The following SOX6 variants were observed in gnomAD, a reference collection of about 807,000 sequenced individuals.
SOX6 encodes the protein SRY-box transcription factor 6, also known as transcription factor SOX-6.
In SOX6, 11 loss-of-function variants were observed where a neutral mutation model predicts 97.8. The ratio of observed to expected loss-of-function variants is 0.11; its 90% confidence interval spans 0.07 to 0.19. The LOEUF is 0.19. SOX6 is among the 10% of genes least tolerant of loss of function. SOX6 has a pLI of 1.00. For synonymous variants in SOX6, 360 were observed against 371.4 expected (o/e 0.97, Z 0.35); for missense variants, 810 against 1,039.5 (o/e 0.78, Z 3.04).
chr11:16,505,512 A>G (rs2133147034), intron 4 of SOX6, among the ~76,000 whole-genome samples: 1 of 152,338 alleles, frequency 6.6e-6, no homozygotes. Flanking sequence ...AAAAATTTGC[A>G]GCCTGGCCAT....
chr11:16,114,577 A>G (rs1231235923), intron 6 of SOX6, among the ~76,000 whole-genome samples: 2 of 152,328 alleles, frequency 1.3e-5, no homozygotes, highest in African/African-American at 4.8e-5. Context: ...AAAACAAGCA[A>G]TAGTTGATCT....
intron 6 of SOX6, among the ~76,000 whole-genome samples, chr11:16,116,359 G>T (rs1375959306): frequency 1.3e-5 from 2 of 152,014 alleles, no homozygotes; most frequent in Non-Finnish European, 2.9e-5. Context: ...AACCATGTGA[G>T]GTTAAGTAAC....
At chr11:16,576,493 T>C (rs1490291899) in intron 4 of SOX6, among the ~76,000 whole-genome samples, 1 of 152,176 alleles carries the variant, frequency 6.6e-6, no homozygotes, top group Non-Finnish European at 1.5e-5. Flanking sequence ...TTCTGTAATA[T>C]CATAAAATAA....
At chr11:16,736,670 A>G (rs1848393476) in intron 1 of SOX6, among the ~76,000 whole-genome samples, 1 of 152,208 alleles carries the variant, frequency 6.6e-6, no homozygotes. Flanking sequence ...CTAAATCACC[A>G]TTTGTCAAAC....
In SOX6 at chr11:16,134,207, G is replaced by A. The variant is rs543336062; in HGVS notation, c.778-22284C>T. Among the ~76,000 whole-genome samples the A allele has an allele frequency of 2.8e-4, 42 of 152,322 alleles. No homozygotes were observed. In the South Asian group the frequency reaches 8.3e-3, roughly 30 times the overall value. Reference sequence around the variant, plus strand: ...AGAAAAGCTTAATAGCTTGCCTCAAGATCAGGCAGCTATTAAGGGGATGGT... The same window carrying A: ...AGAAAAGCTTAATAGCTTGCCTCAAAATCAGGCAGCTATTAAGGGGATGGT... On this transcript the variant is annotated intron_variant, in intron 6 of 15. Transcript: ENST00000683767.
rs1173533096 is a variant in SOX6 at position 16,607,102 on chromosome 11, G to C, written n.609+4979C>G. ...GGCTCCCGGCCACCCGCGCCCTCTCGGGGCTCCGCTCGCTCGGCTCTCGTC... is the reference window on the plus strand; with the variant it reads ...GGCTCCCGGCCACCCGCGCCCTCTCCGGGCTCCGCTCGCTCGGCTCTCGTC... On this transcript the variant is annotated intron_variant and non_coding_transcript_variant, in intron 4 of 5. Transcript: ENST00000524520. This position sits in a 1 kb window ranked among gnomAD's most constrained non-coding sequence, Gnocchi z 6.5. The C allele has an allele frequency of 6.5e-6, 1 of 153,418 alleles. No homozygotes were observed. The highest frequency in any genetic ancestry group is 2.4e-5 in the African/African-American group (1 of 41,440). 9.5% of individuals were successfully genotyped at this position (153,418 alleles called of 1,614,324 possible). A position where few individuals can be genotyped will look rare whatever the true frequency, so the allele number is the denominator to read the frequency against.
intron 4 of SOX6, among the ~76,000 whole-genome samples, chr11:16,500,852 A>G (rs1388031166): frequency 1.3e-5 from 2 of 152,208 alleles, no homozygotes; most frequent in Non-Finnish European, 2.9e-5. Context: ...CATGGGTAGG[A>G]AGAATCAATA....
chr11:16,644,183 A>G (rs1400349559), intron 3 of SOX6, among the ~76,000 whole-genome samples: 1 of 152,102 alleles, frequency 6.6e-6, no homozygotes, highest in Non-Finnish European at 1.5e-5. Flanking sequence ...TGGGACCCCC[A>G]GCATGTGCCA....
chr11:16,561,788 G>A (rs1847817969), intron 4 of SOX6, among the ~76,000 whole-genome samples: 1 of 152,044 alleles, frequency 6.6e-6, no homozygotes. Flanking sequence ...GGAGTGCAGT[G>A]GCGCGATCAT....
At chr11:16,720,765 T>C (rs1019415586) in intron 2 of SOX6, among the ~76,000 whole-genome samples, 1 of 152,032 alleles carries the variant, frequency 6.6e-6, no homozygotes, top group African/African-American at 2.4e-5. Flanking sequence ...TAGTTAATAC[T>C]GTATAAAGTA....
chr11:16,154,291 A>C (rs1004731803), intron 6 of SOX6, among the ~76,000 whole-genome samples: 1 of 152,204 alleles, frequency 6.6e-6, no homozygotes, highest in African/African-American at 2.4e-5. Context: ...TAAAGGGAAA[A>C]ATAAATGGAG....
chr11:15,983,970 A>G lies in SOX6; in HGVS notation c.2183+2234T>C, dbSNP rs1365958639. 3.9e-5 allele frequency among the ~76,000 whole-genome samples: 6 copies of G among 152,244 alleles called. No homozygotes were observed. In the East Asian group the frequency reaches 1.2e-3, roughly 29 times the overall value. On this transcript the variant is annotated intron_variant, in intron 15 of 15. Coordinates refer to ENST00000683767, the MANE Select transcript of SOX6 (RefSeq NM_001367873.1). ...TCATGACTGCCAGCATAGGGCTATGAGGCATATTTTGAGACAAAGTAGTAA... is the reference window on the plus strand; with the variant it reads ...TCATGACTGCCAGCATAGGGCTATGGGGCATATTTTGAGACAAAGTAGTAA...
intron 6 of SOX6, among the ~76,000 whole-genome samples, chr11:16,181,307 A>G (rs1370692766): frequency 6.6e-6 from 1 of 151,678 alleles, no homozygotes; most frequent in African/African-American, 2.4e-5. Flanking sequence ...TTGAAAGAGA[A>G]GTTAAGTTTC....
chr11:16,384,059 CGTT>C (rs1182433205), intron 1 of SOX6, among the ~76,000 whole-genome samples: 2 of 151,780 alleles, frequency 1.3e-5, no homozygotes, highest in African/African-American at 2.4e-5. Context: ...CATTGAGAAA[CGTT>C]GTTAAAAAAG....
chr11:16,312,208 G>A (rs1267122454), intron 3 of SOX6: 2 of 152,148 alleles, frequency 1.3e-5, no homozygotes, highest in Non-Finnish European at 2.9e-5. Flanking sequence ...CTCTAACAAA[G>A]AGAGTTCATT....
intron 3 of SOX6, among the ~76,000 whole-genome samples, chr11:16,276,116 A>C (rs1329431469): frequency 6.6e-6 from 1 of 152,204 alleles, no homozygotes; most frequent in African/African-American, 2.4e-5. Flanking sequence ...ATATAGTAGA[A>C]GTAGGATCCT....
chr11:16,494,157 C>G (rs944698060), intron 4 of SOX6, among the ~76,000 whole-genome samples: 2 of 152,082 alleles, frequency 1.3e-5, no homozygotes, highest in African/African-American at 4.8e-5. Context: ...GGGCAGATCA[C>G]TAGAGGTCAG....
chr11:16,049,777 G>A lies in SOX6; in HGVS notation c.1413C>T (p.Ser471=), dbSNP rs142578005. The change falls in exon 11 of 16, where the codon AGC becomes AGT. Residue 471 remains serine (S), a synonymous_variant. Coordinates refer to ENST00000683767, the MANE Select transcript of SOX6 (RefSeq NM_001367873.1). ...TACCTAAAGAGGATCCTCTTCCCAGGCTTCCTCCAATGGGGCTAGGGATGC... is the reference window on the plus strand; with the variant it reads ...TACCTAAAGAGGATCCTCTTCCCAGACTTCCTCCAATGGGGCTAGGGATGC... ...KSSIPSPIGG[S]LGRGSSLDIL... 5.1e-5 allele frequency: 82 copies of A among 1,613,350 alleles called. No individual in the cohort carries two copies. Among genetic ancestry groups the A allele is most frequent in the Non-Finnish European group, 5.9e-6 (7 of 1,179,784 alleles).
At chr11:16,179,307 A>G (rs925592184) in intron 6 of SOX6, among the ~76,000 whole-genome samples, 3 of 151,894 alleles carry the variant, frequency 2.0e-5, no homozygotes, top group East Asian at 3.9e-4. Context: ...ACACACATTT[A>G]ATGATGCTCT....
Sources: gnomAD v4.1 joint callset for allele counts (sites outside exome capture counted in the v4.1 genomes callset) on GRCh38, gnomAD v4.1.1 for gene constraint, Gnocchi (gnomAD v3.1) non-coding constraint, MANE v1.5 for transcripts, NCBI Gene and HGNC (gene_info 2026-07-23, HGNC 2026-07-21) for gene names.